CPED1: variants seen among roughly 807,000 people sequenced by gnomAD.
CPED1 encodes cadherin-like and PC-esterase domain-containing protein 1.
In CPED1, 114 loss-of-function variants were observed where a neutral mutation model predicts 128.2. The observed-to-expected ratio is 0.89, with a 90% CI of 0.76 to 1.04. The LOEUF (loss-of-function observed/expected upper bound fraction) is 1.04, where lower values mean the gene tolerates loss of function less well. CPED1 is among the 50% of genes least tolerant of loss of function. The probability of loss-of-function intolerance (pLI) is 0.00; values close to 1 mark genes in which losing one functional copy is unlikely to be tolerated. For missense variants in CPED1, 1,211 were observed against 1,207.1 expected, an observed-to-expected ratio of 1.00 and a Z score of -0.05; for synonymous variants, 462 against 426.7, an observed-to-expected ratio of 1.08 and a Z score of -1.02.
intron 22 of CPED1, among the ~76,000 whole-genome samples, chr7:121,293,296 T>C (rs1006493966): frequency 2.0e-5 from 3 of 152,148 alleles, no homozygotes; most frequent in African/African-American, 4.8e-5. Context: ...AGCGGTTTTG[T>C]TTACACTGTG....
intron 22 of CPED1, among the ~76,000 whole-genome samples, chr7:121,292,962 G>C (rs1792739950): frequency 6.6e-6 from 1 of 152,146 alleles, no homozygotes; most frequent in Non-Finnish European, 1.5e-5. Flanking sequence ...GTCGACCCCT[G>C]CTGGAAAATG....
chr7:121,038,789 G>A (rs1018641977), intron 3 of CPED1, among the ~76,000 whole-genome samples: 1 of 151,874 alleles, frequency 6.6e-6, no homozygotes, highest in East Asian at 1.9e-4. Flanking sequence ...AGAGGAACTG[G>A]TCAGCTATTT....
At chr7:121,104,856 C>A (rs1794934446) in intron 7 of CPED1, among the ~76,000 whole-genome samples, 1 of 152,104 alleles carries the variant, frequency 6.6e-6, no homozygotes. Context: ...AGCCACTCTA[C>A]TTTGCAATGA....
At chr7:121,086,927 C>T (rs1157101889) in intron 5 of CPED1, among the ~76,000 whole-genome samples, 1 of 152,224 alleles carries the variant, frequency 6.6e-6, no homozygotes, top group Non-Finnish European at 1.5e-5. Flanking sequence ...GACCATCACT[C>T]TTCACTGGCT....
chr7:121,076,510 G>C (rs1374727245), intron 5 of CPED1: 5 of 152,122 alleles, frequency 3.3e-5, no homozygotes, highest in Non-Finnish European at 5.9e-5. Flanking sequence ...TATGCATGTG[G>C]TCTGGAGATG....
At chr7:121,047,040 T>C (rs751284595) in intron 4 of CPED1, 47 bp downstream of exon 4, 3 of 1,141,962 alleles carry the variant, frequency 2.6e-6, no homozygotes, top group Non-Finnish European at 3.9e-6. Flanking sequence ...CCTACAGATA[T>C]TAACACTGGC....
intron 18 of CPED1, among the ~76,000 whole-genome samples, chr7:121,254,710 T>A (rs1379361278): frequency 6.6e-6 from 1 of 151,812 alleles, no homozygotes; most frequent in Non-Finnish European, 1.5e-5. Flanking sequence ...CAATCATAAA[T>A]GACAAAGATG....
At chr7:121,142,217 A>T in intron 16 of CPED1, 76 bp downstream of exon 16, 1 of 1,300,322 alleles carries the variant, frequency 7.7e-7, no homozygotes, top group Non-Finnish European at 1.1e-6. Context: ...GCCAAATGAA[A>T]ATTATTACAA....
intron 16 of CPED1, among the ~76,000 whole-genome samples, chr7:121,157,516 ATAGT>A (rs1169241838): frequency 2.0e-5 from 3 of 152,190 alleles, no homozygotes; most frequent in Admixed American, 1.3e-4. Context: ...TAGCCAGTTC[ATAGT>A]TAGGCCATTG....
chr7:121,139,173 C>G (rs1584540919), intron 14 of CPED1, among the ~76,000 whole-genome samples: 1 of 151,912 alleles, frequency 6.6e-6, no homozygotes, highest in East Asian at 1.9e-4. Context: ...CTTTCATTGA[C>G]CATTAGGTCA....
At chr7:121,213,782 T>G (rs918261434) in intron 16 of CPED1, among the ~76,000 whole-genome samples, 2 of 152,104 alleles carry the variant, frequency 1.3e-5, no homozygotes, top group Non-Finnish European at 2.9e-5. Context: ...ACAGAAACTT[T>G]TCAAATAATC....
chr7:121,219,543 T>C (rs1797832009), intron 16 of CPED1, among the ~76,000 whole-genome samples: 1 of 152,098 alleles, frequency 6.6e-6, no homozygotes, highest in African/African-American at 2.4e-5. Context: ...ATTCATTTGC[T>C]TGTAATTTGT....
At chr7:121,280,783 G>A (rs1361868776) in intron 22 of CPED1, among the ~76,000 whole-genome samples, 2 of 152,152 alleles carry the variant, frequency 1.3e-5, no homozygotes, top group Non-Finnish European at 2.9e-5. Context: ...GCTATTGTTT[G>A]TCACGTTATT....
chr7:121,295,781 G>A lies in CPED1; in HGVS notation c.*129G>A, dbSNP rs376015061. Reference sequence around the variant, plus strand: ...CACACACTTGTGCACACCAGCACATGCATGCACACCAGTACACACACAGTT... The same window carrying A: ...CACACACTTGTGCACACCAGCACATACATGCACACCAGTACACACACAGTT... On this transcript the variant is annotated 3_prime_UTR_variant, in exon 23 of 23. Coordinates refer to ENST00000310396, the MANE Select transcript of CPED1 (RefSeq NM_024913.5). The A allele has an allele frequency of 1.8e-5, 12 of 671,418 alleles. No homozygotes were observed. Among genetic ancestry groups the A allele is most frequent in the South Asian group, 1.3e-4 (7 of 55,714 alleles). The allele number at this position is 671,418 out of a possible 1,614,324, so 41.6% of individuals were successfully genotyped here.
intron 7 of CPED1, among the ~76,000 whole-genome samples, chr7:121,118,899 C>G (rs1795317053): frequency 6.6e-6 from 1 of 152,096 alleles, no homozygotes; most frequent in African/African-American, 2.4e-5. Context: ...AGAACAGCAC[C>G]AAGCCACGAG....
intron 18 of CPED1, among the ~76,000 whole-genome samples, chr7:121,248,816 C>T (rs1798600402): frequency 6.6e-6 from 1 of 152,084 alleles, no homozygotes; most frequent in African/African-American, 2.4e-5. Flanking sequence ...AGCTTCTCAG[C>T]CATGTTTCTT....
intron 18 of CPED1, among the ~76,000 whole-genome samples, chr7:121,265,399 A>G (rs1792102678): frequency 1.3e-5 from 2 of 152,070 alleles, no homozygotes; most frequent in Admixed American, 1.3e-4. Context: ...AGTGAGGACT[A>G]TGTGTGAAAT....
chr7:121,194,042 ATATATATTTT>A (rs1428567831), intron 16 of CPED1, among the ~76,000 whole-genome samples: 1 of 107,384 alleles, frequency 9.3e-6, no homozygotes, highest in Non-Finnish European at 1.9e-5. Flanking sequence ...ATATATATAT[ATATATATTTT>A]TTTTTTTTTT....
At chr7:121,081,740 C>T (rs1415251514) in intron 5 of CPED1, among the ~76,000 whole-genome samples, 3 of 152,082 alleles carry the variant, frequency 2.0e-5, no homozygotes, top group South Asian at 2.1e-4. Context: ...AATTAGTACT[C>T]GCTTTTGGCT....
Sources: gnomAD v4.1 joint callset for allele counts (sites outside exome capture counted in the v4.1 genomes callset) on GRCh38, gnomAD v4.1.1 for gene constraint, MANE v1.5 for transcripts, NCBI Gene and HGNC (gene_info 2026-07-23, HGNC 2026-07-21) for gene names.